The following EPB41L5 variants were observed in gnomAD, a reference collection of about 807,000 sequenced individuals.
EPB41L5 encodes the protein band 4.1-like protein 5.
EPB41L5 carries 55 observed loss-of-function variants against 106.6 expected under a neutral mutation model. That is an observed-to-expected ratio of 0.52 (90% CI 0.42 to 0.65). The LOEUF (loss-of-function observed/expected upper bound fraction) is 0.65, where lower values mean the gene tolerates loss of function less well. EPB41L5 is among the 30% of genes least tolerant of loss of function. The probability of loss-of-function intolerance (pLI) is 0.00; values close to 1 mark genes in which losing one functional copy is unlikely to be tolerated. For synonymous variants in EPB41L5, 297 were observed against 306.7 expected, an observed-to-expected ratio of 0.97 and a Z score of 0.33; for missense variants, 871 against 882.1, an observed-to-expected ratio of 0.99 and a Z score of 0.16.
At chr2:120,165,026 GT>G in intron 22 of EPB41L5, 116 bp downstream of exon 22, 1 of 760,694 alleles carries the variant, frequency 1.3e-6, no homozygotes, top group Non-Finnish European at 2.1e-6. Context: ...TTTGATAAGA[GT>G]TTATGTTTTA....
Position 120,050,569 on chromosome 2 carries a change from T to A in EPB41L5, c.285+8459T>A, listed in dbSNP as rs188863875. ...TAGTTAGCCATTCGTCTAATCTTTT[T>A]TCAAGGTTTTTAGCTTCTTTGTGAT... is the stretch of plus-strand genomic sequence containing the variant. On this transcript the variant is annotated intron_variant, in intron 3 of 24. Transcript: ENST00000263713. Among the ~76,000 whole-genome samples, 1,166 of 152,324 alleles carry A rather than the reference T, an allele frequency of 7.7e-3. 12 individuals carry two copies. The highest frequency in any genetic ancestry group is 0.027 in the African/African-American group (1,106 of 41,574).
chr2:120,174,133 A>G (rs760555447), intron 24 of EPB41L5, among the ~76,000 whole-genome samples: 1 of 152,194 alleles, frequency 6.6e-6, no homozygotes, highest in Non-Finnish European at 1.5e-5. Context: ...AACTGGTAGG[A>G]ACACAGACAC....
intron 3 of EPB41L5, among the ~76,000 whole-genome samples, chr2:120,060,936 G>A (rs1253892675): frequency 2.0e-5 from 3 of 151,196 alleles, no homozygotes; most frequent in Admixed American, 6.6e-5. Flanking sequence ...ACCATGTCTC[G>A]GGAGCAAAAT....
intron 1 of EPB41L5, 47 bp from the exon 2 acceptor site, chr2:120,019,030 A>T: frequency 1.3e-6 from 2 of 1,483,662 alleles, no homozygotes; most frequent in Non-Finnish European, 1.8e-6. Context: ...AGTTGTGGAG[A>T]ATCTCATTTT....
intron 11 of EPB41L5, 81 bp downstream of exon 11, chr2:120,087,321 T>C: frequency 2.4e-6 from 2 of 822,618 alleles, no homozygotes; most frequent in East Asian, 5.1e-5. Flanking sequence ...AGAGGGAATG[T>C]ACCTCATTGT....
chr2:120,113,032 AG>A (rs1438105323), intron 16 of EPB41L5, among the ~76,000 whole-genome samples: 4 of 152,194 alleles, frequency 2.6e-5, no homozygotes, highest in African/African-American at 9.7e-5. Flanking sequence ...ATTCTATTTT[AG>A]GGGGCAGTGT....
chr2:120,044,961 A>T (rs1679662771), intron 3 of EPB41L5, among the ~76,000 whole-genome samples: 2 of 152,348 alleles, frequency 1.3e-5, no homozygotes, highest in South Asian at 4.1e-4. Flanking sequence ...AAACTTTTCA[A>T]GTTCTTACTC....
chr2:120,151,874 C>G (rs927725150), intron 20 of EPB41L5, among the ~76,000 whole-genome samples: 7 of 152,154 alleles, frequency 4.6e-5, no homozygotes, highest in South Asian at 2.1e-4. Flanking sequence ...GCCTCGGCCT[C>G]CCAAAGTGCT....
At chr2:120,111,777 C>A (rs140628210) in intron 16 of EPB41L5, among the ~76,000 whole-genome samples, 29 of 152,226 alleles carry the variant, frequency 1.9e-4, no homozygotes, top group African/African-American at 6.0e-4. Context: ...CAGATCATGT[C>A]ATTTCTCTGC....
intron 2 of EPB41L5, among the ~76,000 whole-genome samples, chr2:120,030,859 A>T (rs1297458112): frequency 6.7e-6 from 1 of 149,894 alleles, no homozygotes; most frequent in Non-Finnish European, 1.5e-5. Flanking sequence ...CTGGCCTCAA[A>T]TTATGTTTAT....
At chr2:120,092,074 G>A (rs1683456924) in intron 13 of EPB41L5, among the ~76,000 whole-genome samples, 1 of 151,296 alleles carries the variant, frequency 6.6e-6, no homozygotes, top group African/African-American at 2.4e-5. Flanking sequence ...TGTTGCTCAG[G>A]TTGGAGTGCA....
At chr2:120,138,084 C>T (rs1686006287) in intron 18 of EPB41L5, among the ~76,000 whole-genome samples, 1 of 151,908 alleles carries the variant, frequency 6.6e-6, no homozygotes, top group Non-Finnish European at 1.5e-5. Context: ...TACATTATAT[C>T]AGCAGAATGA....
intron 16 of EPB41L5, chr2:120,104,221 C>T (rs1172464663): frequency 2.6e-6 from 4 of 1,535,562 alleles, no homozygotes; most frequent in Admixed American, 3.9e-5. Flanking sequence ...CCTGGCCATA[C>T]AGCCATGACT....
At chr2:120,016,384 C>G (rs2861026) in intron 1 of EPB41L5, among the ~76,000 whole-genome samples, 11 of 151,422 alleles carry the variant, frequency 7.3e-5, no homozygotes, top group Non-Finnish European at 1.5e-4. Context: ...GAGCCGAGAT[C>G]GCGCCATTGC....
At chr2:120,143,187 G>C (rs1686261172) in intron 19 of EPB41L5, 56 bp downstream of exon 19, 4 of 1,467,654 alleles carry the variant, frequency 2.7e-6, no homozygotes, top group African/African-American at 2.9e-5. Flanking sequence ...GGGATGTAGA[G>C]AGTTGCCTTC....
chr2:120,039,511 G>T (rs1477702768), intron 2 of EPB41L5, among the ~76,000 whole-genome samples: 1 of 152,154 alleles, frequency 6.6e-6, no homozygotes, highest in Non-Finnish European at 1.5e-5. Flanking sequence ...TCCCCATGTG[G>T]TTGGAGAACT....
chr2:120,068,040 G>C (rs1319469087), intron 3 of EPB41L5, among the ~76,000 whole-genome samples: 1 of 152,184 alleles, frequency 6.6e-6, no homozygotes, highest in African/African-American at 2.4e-5. Context: ...TGAGATCAAC[G>C]TGGAAGGCGG....
chr2:120,134,464 T>C (rs905293379), intron 18 of EPB41L5, among the ~76,000 whole-genome samples: 1 of 152,056 alleles, frequency 6.6e-6, no homozygotes, highest in South Asian at 2.1e-4. Flanking sequence ...GGCCAAACAA[T>C]AGTCACCACA....
chr2:120,175,100 G>T lies in EPB41L5; in HGVS notation c.*193G>T. On this transcript the variant is annotated 3_prime_UTR_variant, in exon 25 of 25. Transcript: ENST00000263713. ...AATTGTTGAATCACACTGCATAGCTGCCCAAAAGAGAGTGTTTGGTCTTGA... is the reference window on the plus strand; with the variant it reads ...AATTGTTGAATCACACTGCATAGCTTCCCAAAAGAGAGTGTTTGGTCTTGA... The T allele has an allele frequency of 1.7e-6, 1 of 586,144 alleles. No individual in the cohort carries two copies. Among genetic ancestry groups the T allele is most frequent in the South Asian group, 2.1e-5 (1 of 48,350 alleles). 36.3% of individuals were successfully genotyped at this position (586,144 alleles called of 1,614,324 possible).
Sources: gnomAD v4.1 joint callset for allele counts (sites outside exome capture counted in the v4.1 genomes callset) on GRCh38, gnomAD v4.1.1 for gene constraint, MANE v1.5 for transcripts, NCBI Gene and HGNC (gene_info 2026-07-23, HGNC 2026-07-21) for gene names.